Variants in TENM4 observed in about 807,000 individuals in gnomAD.
TENM4 encodes the protein teneurin transmembrane protein 4.
TENM4 carries 82 observed loss-of-function variants against 243.3 expected under a neutral mutation model. The ratio of observed to expected loss-of-function variants is 0.34; its 90% CI spans 0.28 to 0.40. The LOEUF is 0.40. Ranked by LOEUF, TENM4 falls within the 10% of genes least tolerant of loss-of-function variation. The probability of loss-of-function intolerance (pLI) is 1.00; values close to 1 mark genes in which losing one functional copy is unlikely to be tolerated. For missense variants in TENM4, 3,138 were observed against 3,673.3 expected (o/e 0.85, Z 3.77); for synonymous variants, 1,412 against 1,456.3 (o/e 0.97, Z 0.69).
rs1858262008 is a variant in TENM4, at chr11:78,669,662, G to C, written c.6683C>G (p.Pro2228Arg). Residue 2228 changes from proline (P) to arginine (R), a missense_variant, in exon 32 of 34, where the codon CCT becomes CGT. This residue lies in a region of TENM4 where 2,467 missense variants were observed against 3,059.1 expected (regional missense o/e 0.81). Coordinates refer to ENST00000278550, the MANE Select transcript of TENM4 (RefSeq NM_001098816.3). The surrounding 1 kb of genome is among the most constrained non-coding windows in gnomAD (Gnocchi z 6.4). ...TGGTGTGAGCCGTGCACTGTTCCCA[G>C]GGCTCAGTAAGTGCAGGTTCCCATT... is the stretch of plus-strand genomic sequence containing the variant. ...DLNGNLHLLS[P>R]GNSARLTPLR... 1.9e-6 allele frequency: 3 copies of C among 1,614,014 alleles called. No homozygotes were observed. Among genetic ancestry groups the C allele is most frequent in the Middle Eastern group, 1.6e-4 (1 of 6,062 alleles).
chr11:79,396,804 C>T (rs1208125708), intron 1 of TENM4, among the ~76,000 whole-genome samples: 1 of 152,220 alleles, frequency 6.6e-6, no homozygotes, highest in African/African-American at 2.4e-5. Flanking sequence ...CATTTAGTCT[C>T]TCAGGGGCAG....
chr11:79,225,034 G>T (rs961410048), intron 2 of TENM4, among the ~76,000 whole-genome samples: 2 of 152,076 alleles, frequency 1.3e-5, no homozygotes, highest in Non-Finnish European at 2.9e-5. Flanking sequence ...TGGGATTCAC[G>T]CTGTCCCAAG....
At chr11:79,383,374 A>G (rs773236955) in intron 1 of TENM4, among the ~76,000 whole-genome samples, 3 of 152,142 alleles carry the variant, frequency 2.0e-5, no homozygotes, top group Non-Finnish European at 4.4e-5. Flanking sequence ...TGCCCTCAAC[A>G]TCTCTTATTT....
intron 1 of TENM4, among the ~76,000 whole-genome samples, chr11:79,316,502 G>A (rs7130430): frequency 0.2 from 30,121 of 152,032 alleles, 3,236 homozygotes; most frequent in East Asian, 0.34. Flanking sequence ...AGAGAAGACT[G>A]GGTTGAGTAT....
Position 78,656,854 on chromosome 11 carries a change from G to A in TENM4, c.*1204C>T, listed in dbSNP as rs1270356292. 1.3e-5 allele frequency: 5 copies of A among 395,934 alleles called. No homozygotes were observed. The highest frequency in any genetic ancestry group is 1.8e-5 in the Non-Finnish European group (4 of 224,986). 24.5% of individuals were successfully genotyped at this position (395,934 alleles called of 1,614,324 possible). A position where few individuals can be genotyped will look rare whatever the true frequency, so the allele number is the denominator to read the frequency against. On this transcript the variant is annotated 3_prime_UTR_variant, in exon 34 of 34. Coordinates refer to ENST00000278550, the MANE Select transcript of TENM4 (RefSeq NM_001098816.3). ...CAGCTCTGCGATCAGCTGGTACATGGAGGCAGATGGGACTTTGGGAACTGG... is the reference window on the plus strand; with the variant it reads ...CAGCTCTGCGATCAGCTGGTACATGAAGGCAGATGGGACTTTGGGAACTGG...
intron 3 of TENM4, among the ~76,000 whole-genome samples, chr11:79,212,346 T>C (rs1863970104): frequency 6.6e-6 from 1 of 152,200 alleles, no homozygotes; most frequent in Non-Finnish European, 1.5e-5. Flanking sequence ...GCCTGTGCCA[T>C]CCTCAAGACA....
chr11:79,227,539 A>G (rs1329415657), intron 2 of TENM4, among the ~76,000 whole-genome samples: 1 of 152,196 alleles, frequency 6.6e-6, no homozygotes, highest in Non-Finnish European at 1.5e-5. Context: ...AGAGCCCCTT[A>G]CAGCACTGAC....
chr11:78,995,786 T>C (rs1858159091), intron 6 of TENM4, among the ~76,000 whole-genome samples: 3 of 151,318 alleles, frequency 2.0e-5, no homozygotes, highest in African/African-American at 7.3e-5. Flanking sequence ...GGCTTTGGAG[T>C]TAGGCTGACC....
intron 4 of TENM4, among the ~76,000 whole-genome samples, chr11:79,129,215 G>A (rs1861946348): frequency 6.6e-6 from 1 of 152,148 alleles, no homozygotes; most frequent in Non-Finnish European, 1.5e-5. Context: ...AAGGCCCTGG[G>A]AGCTTGCTGG....
rs566203756 is a variant in TENM4 at position 79,391,387 on chromosome 11, C to A, written c.-321+49122G>T. On this transcript the variant is annotated intron_variant, in intron 1 of 33. Transcript: ENST00000278550. ...TTCCTCAGGGCCTGATCTGTGCTAGCCTGTGGGATGCCAAGTGGAACCAGG... is the reference window on the plus strand; with the variant it reads ...TTCCTCAGGGCCTGATCTGTGCTAGACTGTGGGATGCCAAGTGGAACCAGG... 4.7e-5 allele frequency among the ~76,000 whole-genome samples: 7 copies of A among 147,568 alleles called. No individual in the cohort carries two copies. In the East Asian group the frequency reaches 8.0e-4, roughly 17 times the overall value.
At position 78,885,065 on chromosome 11, in the gene TENM4, C is replaced by T. The variant is rs141606970; in HGVS notation, c.1084+4720G>A. On this transcript the variant is annotated intron_variant, in intron 9 of 33. Coordinates refer to ENST00000278550, the MANE Select transcript of TENM4 (RefSeq NM_001098816.3). ...ACTACTCTATATCACACCTTTTTTG[C>T]TAAACATGTTTTAAAAACAATTAAA... is the stretch of plus-strand genomic sequence containing the variant. Among the ~76,000 whole-genome samples, 281 of 152,234 alleles carry T rather than the reference C, an allele frequency of 1.8e-3. 2 individuals are homozygous for T. Among genetic ancestry groups the T allele is most frequent in the African/African-American group, 6.3e-3 (263 of 41,544 alleles).
intron 26 of TENM4, among the ~76,000 whole-genome samples, chr11:78,711,049 G>C (rs537332486): frequency 6.6e-4 from 101 of 152,338 alleles, no homozygotes; most frequent in African/African-American, 2.4e-3. Flanking sequence ...GGAGGTCCCA[G>C]GGCCAGCCAG....
At chr11:78,873,921 T>C (rs1208135305) in intron 9 of TENM4, among the ~76,000 whole-genome samples, 2 of 152,002 alleles carry the variant, frequency 1.3e-5, no homozygotes, top group Non-Finnish European at 2.9e-5. Flanking sequence ...GGTCACCACC[T>C]TCTCTATTAA....
rs1565219911 is a variant in TENM4, at chr11:79,138,956, CCATAAA to C, written c.-66+9748_-66+9753del. Among the ~76,000 whole-genome samples, 13 of 80,476 alleles carry C rather than the reference CCATAAA, an allele frequency of 1.6e-4. 1 individual carries two copies. The highest frequency in any genetic ancestry group is 3.4e-4 in the Admixed American group (2 of 5,826). 52.8% of individuals were successfully genotyped at this position (80,476 alleles called of 152,430 possible). A position where few individuals can be genotyped will look rare whatever the true frequency, so the allele number is the denominator to read the frequency against. On this transcript the variant is annotated intron_variant, in intron 4 of 33. Transcript: ENST00000278550. ...AATATATAAAATATATATTATATTT[CCATAAA>C]TATATAAAATATATATTATATTTCT...
In TENM4 at chr11:78,732,373, T is replaced by C. The variant is rs745823867; in HGVS notation, c.3081A>G (p.Pro1027=). The change falls in exon 21 of 34, where the codon CCA becomes CCG. Residue 1027 remains proline (P), a synonymous_variant. Coordinates refer to ENST00000278550, the MANE Select transcript of TENM4 (RefSeq NM_001098816.3). ...CACAGGAGCTGGCGAAGGACGTCAG[T>C]GGGGATGGAGAGACGACTGGGTTGG... ...ARPNPVVSPS[P]LTSFASSCAE... The C allele has an allele frequency of 6.2e-7, 1 of 1,613,654 alleles. No individual in the cohort carries two copies. Among genetic ancestry groups the C allele is most frequent in the Non-Finnish European group, 8.5e-7 (1 of 1,179,754 alleles).
At chr11:79,399,016 G>T (rs1257798926) in intron 1 of TENM4, among the ~76,000 whole-genome samples, 1 of 152,166 alleles carries the variant, frequency 6.6e-6, no homozygotes, top group Non-Finnish European at 1.5e-5. Context: ...AGGGAAGTGT[G>T]CTAGGCCTGG....
At chr11:79,333,270 C>T (rs1857091530) in intron 1 of TENM4, among the ~76,000 whole-genome samples, 1 of 152,218 alleles carries the variant, frequency 6.6e-6, no homozygotes, top group Non-Finnish European at 1.5e-5. Context: ...ATCCAACCAA[C>T]AAACATTCAC....
chr11:78,953,440 G>C (rs1327560215), intron 6 of TENM4, among the ~76,000 whole-genome samples: 1 of 152,114 alleles, frequency 6.6e-6, no homozygotes, highest in Admixed American at 6.5e-5. Context: ...GGTCCAGAAA[G>C]GGAATAAGGA....
At chr11:79,200,960 T>C (rs528958545) in intron 3 of TENM4, among the ~76,000 whole-genome samples, 5 of 152,350 alleles carry the variant, frequency 3.3e-5, no homozygotes, top group African/African-American at 1.2e-4. Flanking sequence ...GCTTGAAGGA[T>C]GAACACTATT....
Sources: gnomAD v4.1 joint callset for allele counts (sites outside exome capture counted in the v4.1 genomes callset) on GRCh38, gnomAD v4.1.1 for gene constraint, gnomAD v4.1.1 regional missense constraint, Gnocchi (gnomAD v3.1) non-coding constraint, MANE v1.5 for transcripts, NCBI Gene and HGNC (gene_info 2026-07-23, HGNC 2026-07-21) for gene names.